The following GRIK1 variants were observed in gnomAD, a reference collection of about 807,000 sequenced individuals.
The protein encoded by GRIK1 is glutamate receptor ionotropic, kainate 1.
GRIK1 carries 69 observed loss-of-function variants against 105.7 expected under a neutral mutation model. The observed-to-expected ratio is 0.65, with a 90% CI of 0.54 to 0.80. The LOEUF is 0.80. Among genes scored for constraint, GRIK1 ranks in the 30% least tolerant of loss-of-function variants. GRIK1 has a pLI of 0.00. For missense variants in GRIK1, 1,109 were observed against 1,167.3 expected, an observed-to-expected ratio of 0.95 and a Z score of 0.73; for synonymous variants, 438 against 431.3, an observed-to-expected ratio of 1.02 and a Z score of -0.19.
At chr21:29,655,788 G>A (rs545149714) in intron 4 of GRIK1, among the ~76,000 whole-genome samples, 1 of 152,032 alleles carries the variant, frequency 6.6e-6, no homozygotes, top group African/African-American at 2.4e-5. Context: ...TAACTACTTG[G>A]GATCGTAATA....
At chr21:29,644,128 A>G (rs550730758) in intron 6 of GRIK1, among the ~76,000 whole-genome samples, 1 of 152,234 alleles carries the variant, frequency 6.6e-6, no homozygotes, top group South Asian at 2.1e-4. Flanking sequence ...AACATATACT[A>G]TGCATTGATT....
chr21:29,567,897 T>C (rs1774929201), intron 14 of GRIK1, among the ~76,000 whole-genome samples: 1 of 152,106 alleles, frequency 6.6e-6, no homozygotes, highest in Admixed American at 6.5e-5. Context: ...ATATTTATAG[T>C]ATAGTTAGGA....
At chr21:29,764,375 A>T (rs937526767) in intron 1 of GRIK1, among the ~76,000 whole-genome samples, 2 of 152,206 alleles carry the variant, frequency 1.3e-5, no homozygotes, top group African/African-American at 4.8e-5. Context: ...ACAGAACCAT[A>T]CTAATTTCAT....
chr21:29,908,160 A>T (rs1002314757), intron 1 of GRIK1, among the ~76,000 whole-genome samples: 2 of 152,026 alleles, frequency 1.3e-5, no homozygotes, highest in Non-Finnish European at 2.9e-5. Context: ...TCTATAGCCG[A>T]AAAAAAGAGG....
In GRIK1 at chr21:29,806,356, C is replaced by CT. The variant is rs954698046; in HGVS notation, c.119-112294dup. Among the ~76,000 whole-genome samples the CT allele has an allele frequency of 4.5e-4, 67 of 148,604 alleles. 1 individual carries two copies. The East Asian group carries it at 0.01, about 22-fold the overall frequency. On this transcript the variant is annotated intron_variant, in intron 1 of 17. Transcript: ENST00000327783. ...CCAATTATCCAATTAAGTTACAAAG[C>CT]TTTTTTTTTTCTCTCAATACAAAAC...
intron 16 of GRIK1, among the ~76,000 whole-genome samples, 165 bp from the exon 17 acceptor site, chr21:29,538,049 G>A (rs756990243): frequency 3.3e-5 from 5 of 152,026 alleles, no homozygotes; most frequent in East Asian, 3.8e-4. Flanking sequence ...AATGGAAAAC[G>A]GAATTATGAT....
intron 8 of GRIK1, 163 bp from the exon 9 acceptor site, chr21:29,596,733 G>A: frequency 1.6e-6 from 1 of 634,480 alleles, no homozygotes; most frequent in East Asian, 2.7e-5. Flanking sequence ...AATAGGTACA[G>A]CAAAGAGACG....
rs575612115 is a variant in GRIK1, at chr21:29,802,543, C to T, written c.119-108480G>A. On this transcript the variant is annotated intron_variant, in intron 1 of 17. Coordinates refer to ENST00000327783, the MANE Select transcript of GRIK1 (RefSeq NM_001330994.2). ...AATGAAAATCTTTTTGTCTGGATCTCATCATCCTCCATTCTGTCCTCCAAA... is the reference window on the plus strand; with the variant it reads ...AATGAAAATCTTTTTGTCTGGATCTTATCATCCTCCATTCTGTCCTCCAAA... Among the ~76,000 whole-genome samples the T allele has an allele frequency of 6.6e-5, 10 of 152,260 alleles. No homozygotes were observed. In the East Asian group the frequency reaches 1.2e-3, roughly 18 times the overall value.
Position 29,598,849 on chromosome 21 carries a change from T to C in GRIK1, c.1187A>G (p.Lys396Arg). The part of the protein sequence containing the change: ...KDFDLDIISL[K>R]EEGTEKAAGE... ...GGTTACCTTTTCAGTTCCTTCCTCT[T>C]TGAGACTAATAATGTCCAGATCAAA... The change falls in exon 8 of 18, where the codon AAA becomes AGA. Residue 396 changes from lysine to arginine, a missense_variant. Lys to Arg is a conservative substitution (Grantham distance 26). This residue lies in a region of GRIK1 where 612 missense variants were observed against 586.0 expected (regional missense o/e 1.04). Coordinates refer to ENST00000327783, the MANE Select transcript of GRIK1 (RefSeq NM_001330994.2). The C allele has an allele frequency of 1.3e-6, 2 of 1,507,706 alleles. No individual in the cohort carries two copies. Among genetic ancestry groups the C allele is most frequent in the Non-Finnish European group, 1.8e-6 (2 of 1,086,984 alleles). 93.4% of individuals were successfully genotyped at this position (1,507,706 alleles called of 1,614,324 possible).
rs142242543 is a variant in GRIK1, at chr21:29,553,655, T to A, written c.2607+1397A>T. On this transcript the variant is annotated intron_variant, in intron 16 of 17. Transcript: ENST00000327783. Reference sequence around the variant, plus strand: ...AGATAAAGTAGTTCCAGAAGTGGAGTTGGTTGGATGGGTTTGCTTACATTG... The same window carrying A: ...AGATAAAGTAGTTCCAGAAGTGGAGATGGTTGGATGGGTTTGCTTACATTG... 1.3e-4 allele frequency: 211 copies of A among 1,608,488 alleles called. 1 individual carries two copies. In the African/African-American group the frequency reaches 2.6e-3, roughly 20 times the overall value.
intron 1 of GRIK1, among the ~76,000 whole-genome samples, chr21:29,756,406 T>C (rs2065343447): frequency 6.6e-6 from 1 of 152,022 alleles, no homozygotes; most frequent in African/African-American, 2.4e-5. Context: ...ATGACAATAA[T>C]AATGCTGCGC....
chr21:29,676,805 T>C (rs2063276834), intron 3 of GRIK1, among the ~76,000 whole-genome samples: 2 of 152,164 alleles, frequency 1.3e-5, no homozygotes, highest in Admixed American at 1.3e-4. Context: ...ATGTCATATA[T>C]GGCAAAAGAA....
rs1555874556 is a variant in GRIK1 at position 29,697,928 on chromosome 21, C to CTTTCTT, written c.119-3866_119-3865insAAGAAA. Among the ~76,000 whole-genome samples the CTTTCTT allele has an allele frequency of 1.1e-3, 164 of 145,974 alleles. 1 individual carries two copies. Among genetic ancestry groups the CTTTCTT allele is most frequent in the Non-Finnish European group, 1.7e-3 (111 of 67,264 alleles). On this transcript the variant is annotated intron_variant, in intron 1 of 17. Transcript: ENST00000327783. ...TTTCTTTCTTTCTTTCTCTCTCTCT[C>CTTTCTT]TCTTTCTTTCTTTCTTTCTTTTTTC...
At chr21:29,908,128 C>A (rs570879696) in intron 1 of GRIK1, among the ~76,000 whole-genome samples, 1 of 151,954 alleles carries the variant, frequency 6.6e-6, no homozygotes, top group South Asian at 2.1e-4. Flanking sequence ...ATTATAAAAG[C>A]TTTAACATTT....
intron 1 of GRIK1, among the ~76,000 whole-genome samples, chr21:29,817,902 C>T (rs1440420658): frequency 6.6e-6 from 1 of 152,120 alleles, no homozygotes; most frequent in African/African-American, 2.4e-5. Flanking sequence ...GTTGGCTACG[C>T]ATTAAACATA....
chr21:29,770,106 G>A (rs1352847001), intron 1 of GRIK1, among the ~76,000 whole-genome samples: 1 of 152,108 alleles, frequency 6.6e-6, no homozygotes, highest in Non-Finnish European at 1.5e-5. Context: ...TTCTCTATCA[G>A]TAACTGCATA....
At chr21:29,697,026 CAAG>C (rs140103377) in intron 1 of GRIK1, among the ~76,000 whole-genome samples, 7,988 of 152,176 alleles carry the variant, frequency 0.052, 243 homozygotes, top group Non-Finnish European at 0.068. Context: ...AAAAAGTGAA[CAAG>C]AAGATTACAC....
intron 1 of GRIK1, among the ~76,000 whole-genome samples, chr21:29,765,741 A>C (rs890080277): frequency 2.6e-5 from 4 of 152,110 alleles, no homozygotes; most frequent in Non-Finnish European, 5.9e-5. Context: ...ACTGGGTTAT[A>C]TTGTCCACCT....
chr21:29,604,924 A>G (rs1182411492), intron 7 of GRIK1, among the ~76,000 whole-genome samples: 1 of 152,184 alleles, frequency 6.6e-6, no homozygotes, highest in African/African-American at 2.4e-5. Context: ...GTCCAAATTA[A>G]ATGCACATAT....
Sources: gnomAD v4.1 joint callset for allele counts (sites outside exome capture counted in the v4.1 genomes callset) on GRCh38, gnomAD v4.1.1 for gene constraint, gnomAD v4.1.1 regional missense constraint, MANE v1.5 for transcripts, NCBI Gene and HGNC (gene_info 2026-07-23, HGNC 2026-07-21) for gene names.